Variants in APAF1 observed in about 807,000 individuals in gnomAD.
APAF1 encodes apoptotic peptidase activating factor 1.
APAF1 carries 91 observed loss-of-function variants against 152.4 expected under a neutral mutation model. That is an observed-to-expected ratio of 0.60 (90% confidence interval 0.50 to 0.71). The LOEUF is 0.71. Among genes scored for constraint, APAF1 ranks in the 30% least tolerant of loss-of-function variants. APAF1 has a pLI of 0.00. For synonymous variants in APAF1, 484 were observed against 494.1 expected, an observed-to-expected ratio of 0.98 and a Z score of 0.27; for missense variants, 1,283 against 1,472.0, an observed-to-expected ratio of 0.87 and a Z score of 2.10.
intron 24 of APAF1, among the ~76,000 whole-genome samples, chr12:98,724,339 A>G (rs2097747327): frequency 6.6e-6 from 1 of 152,116 alleles, no homozygotes; most frequent in Non-Finnish European, 1.5e-5. Flanking sequence ...CCACTGGTGA[A>G]CTGTCCCAGC....
At chr12:98,681,327 G>A (rs1410690770) in intron 14 of APAF1, among the ~76,000 whole-genome samples, 1 of 152,138 alleles carries the variant, frequency 6.6e-6, no homozygotes, top group Non-Finnish European at 1.5e-5. Flanking sequence ...CTCCCAAAGT[G>A]CTGAGATTAT....
At chr12:98,722,631 G>C (rs1022638629) in intron 22 of APAF1, among the ~76,000 whole-genome samples, 2 of 151,996 alleles carry the variant, frequency 1.3e-5, no homozygotes, top group Non-Finnish European at 2.9e-5. Flanking sequence ...TATGTCTGAG[G>C]AGCTCCTCCT....
intron 3 of APAF1, 117 bp from the exon 4 acceptor site, chr12:98,649,365 TCTTAA>T (rs1439701925): frequency 2.2e-6 from 3 of 1,348,836 alleles, no homozygotes; most frequent in Non-Finnish European, 1.0e-6. Context: ...AGCCACATTT[TCTTAA>T]CTTCTCTTGG....
chr12:98,665,907 G>A, intron 8 of APAF1, 116 bp downstream of exon 8: 16 of 947,520 alleles, frequency 1.7e-5, no homozygotes, highest in South Asian at 2.7e-5. Context: ...GACTGAGGTG[G>A]TGGGGTGTTG....
rs567153937 is a variant in APAF1 at position 98,731,272 on chromosome 12, A to C, written c.3601-1148A>C. On this transcript the variant is annotated intron_variant, in intron 26 of 26. Coordinates refer to ENST00000551964, the MANE Select transcript of APAF1 (RefSeq NM_181861.2). Reference sequence around the variant, plus strand: ...CCTCTTCCATTATGAACATCCCCCCACCAGAGATGTGCATTTGTTACAATT... The same window carrying C: ...CCTCTTCCATTATGAACATCCCCCCCCCAGAGATGTGCATTTGTTACAATT... Among the ~76,000 whole-genome samples, 4 of 152,078 alleles carry C rather than the reference A, an allele frequency of 2.6e-5. No individual in the cohort carries two copies. In the East Asian group the frequency reaches 5.8e-4, roughly 22 times the overall value.
chr12:98,658,128 G>A (rs2097660165), intron 4 of APAF1, among the ~76,000 whole-genome samples: 1 of 152,004 alleles, frequency 6.6e-6, no homozygotes, highest in Admixed American at 6.6e-5. Flanking sequence ...TGATGCTACT[G>A]GAATGATCTA....
intron 24 of APAF1, 149 bp from the exon 25 acceptor site, chr12:98,725,266 C>A (rs966134911): frequency 6.4e-6 from 6 of 939,406 alleles, no homozygotes; most frequent in Non-Finnish European, 9.8e-6. Context: ...AACAAGGTTG[C>A]ATGCTGGAAC....
Position 98,684,752 on chromosome 12 carries a change from CTG to C in APAF1, c.2178+1480_2178+1481del, listed in dbSNP as rs1264138121. 2.6e-5 allele frequency among the ~76,000 whole-genome samples: 4 copies of C among 152,072 alleles called. No individual in the cohort carries two copies. The East Asian group carries it at 5.8e-4, about 22-fold the overall frequency. On this transcript the variant is annotated intron_variant, in intron 15 of 26. Coordinates refer to ENST00000551964, the MANE Select transcript of APAF1 (RefSeq NM_181861.2). ...AATGTACCACTAAAAAAAAATAAGA[CTG>C]TTATACTATTTACGACTAATTTTTG...
intron 5 of APAF1, among the ~76,000 whole-genome samples, chr12:98,661,310 CA>C (rs1212667608): frequency 6.6e-6 from 1 of 152,032 alleles, no homozygotes; most frequent in Non-Finnish European, 1.5e-5. Flanking sequence ...TCCTTTTTTG[CA>C]AAATTAAAAT....
intron 20 of APAF1, among the ~76,000 whole-genome samples, chr12:98,710,820 T>C (rs1339765792): frequency 6.6e-6 from 1 of 152,234 alleles, no homozygotes; most frequent in Non-Finnish European, 1.5e-5. Flanking sequence ...AGTTCAGACT[T>C]CTTTATCAAC....
chr12:98,726,055 T>G (rs1866477), intron 25 of APAF1, among the ~76,000 whole-genome samples: 136,206 of 152,148 alleles, frequency 0.9, 61,036 homozygotes, highest in African/African-American at 0.94. Flanking sequence ...TCCGTCATTG[T>G]GGGGCAGCGA....
chr12:98,696,578 A>G (rs1201837091), intron 16 of APAF1, among the ~76,000 whole-genome samples: 1 of 152,214 alleles, frequency 6.6e-6, no homozygotes, highest in East Asian at 1.9e-4. Context: ...TGTTCTCTGC[A>G]TCTTTAACAC....
chr12:98,667,765 A>ATTTTTTT lies in APAF1; in HGVS notation c.1494+139_1494+145dup, dbSNP rs71305589. 6.1e-4 allele frequency: 198 copies of ATTTTTTT among 322,422 alleles called. 2 individuals carry two copies. The highest frequency in any genetic ancestry group is 1.0e-3 in the East Asian group (13 of 12,616). The allele number at this position is 322,422 out of a possible 1,614,324, so 20.0% of individuals were successfully genotyped here. A position where few individuals can be genotyped will look rare whatever the true frequency, so the allele number is the denominator to read the frequency against. ...TTTTGTTCATATTGCTTTCCATTTG[A>ATTTTTTT]TTTTTTTTTTTTTTTTTTTTTTTTG... On this transcript the variant is annotated intron_variant, in intron 10 of 26. Transcript: ENST00000551964.
intron 10 of APAF1, 21 bp from the exon 11 acceptor site, chr12:98,670,952 A>G: frequency 6.6e-7 from 1 of 1,511,450 alleles, no homozygotes; most frequent in Non-Finnish European, 9.2e-7. Context: ...TGCTGCTGAT[A>G]CTACTTTTTG....
At chr12:98,674,598 T>G (rs1386486383) in intron 12 of APAF1, among the ~76,000 whole-genome samples, 3 of 152,204 alleles carry the variant, frequency 2.0e-5, no homozygotes, top group Admixed American at 6.5e-5. Context: ...TACTAGTCCA[T>G]GTGTTCTGAA....
At chr12:98,659,654 A>AG (rs2153312935) in intron 5 of APAF1, among the ~76,000 whole-genome samples, 1 of 146,486 alleles carries the variant, frequency 6.8e-6, no homozygotes, top group East Asian at 2.2e-4. Flanking sequence ...CAGGAGGCTG[A>AG]GGCAGGAGAA....
chr12:98,653,527 C>G (rs905356557), intron 4 of APAF1, among the ~76,000 whole-genome samples: 6 of 150,202 alleles, frequency 4.0e-5, no homozygotes, highest in Non-Finnish European at 7.4e-5. Flanking sequence ...CGTGGTGGCG[C>G]ATGCCTGTAA....
intron 22 of APAF1, among the ~76,000 whole-genome samples, chr12:98,716,361 G>A (rs915254251): frequency 4.6e-5 from 7 of 152,140 alleles, no homozygotes; most frequent in African/African-American, 7.2e-5. Flanking sequence ...CAATTATAAC[G>A]AAATTTTGTT....
At chr12:98,709,565 G>T (rs1428347928) in intron 20 of APAF1, among the ~76,000 whole-genome samples, 1 of 152,178 alleles carries the variant, frequency 6.6e-6, no homozygotes, top group South Asian at 2.1e-4. Flanking sequence ...TGATAGCGTT[G>T]TAGATAGTGG....
Sources: allele counts gnomAD v4.1 joint callset (sites outside exome capture counted in the v4.1 genomes callset), GRCh38; gene constraint gnomAD v4.1.1; transcripts MANE v1.5; gene names NCBI Gene and HGNC (gene_info 2026-07-23, HGNC 2026-07-21).